Variants in IGSF21 observed in about 807,000 individuals in gnomAD.
IGSF21 encodes the protein immunoglobin superfamily member 21, also known as immunoglobulin superfamily member 21.
IGSF21 carries 28 observed loss-of-function variants against 46.8 expected under a neutral mutation model. That is an observed-to-expected ratio of 0.60 (90% CI 0.44 to 0.82). The LOEUF is 0.82. Among genes scored for constraint, IGSF21 ranks in the 40% least tolerant of loss-of-function variants. The pLI, the probability that IGSF21 is intolerant of heterozygous loss-of-function variation, is 0.00. For synonymous variants in IGSF21, 284 were observed against 273.6 expected (o/e 1.04, Z -0.38); for missense variants, 624 against 665.5 (o/e 0.94, Z 0.69).
intron 2 of IGSF21, among the ~76,000 whole-genome samples, chr1:18,234,736 A>G (rs1178993287): frequency 1.3e-5 from 2 of 152,048 alleles, no homozygotes; most frequent in Non-Finnish European, 2.9e-5. Flanking sequence ...AACCATCTCC[A>G]TGATCCAATC....
chr1:18,157,258 G>A (rs895811803), intron 1 of IGSF21, among the ~76,000 whole-genome samples: 2 of 152,226 alleles, frequency 1.3e-5, no homozygotes, highest in African/African-American at 4.8e-5. Context: ...GGGCAGTGGG[G>A]CTTCTAGCTC....
chr1:18,263,038 G>C (rs920348447), intron 2 of IGSF21, among the ~76,000 whole-genome samples: 1 of 152,188 alleles, frequency 6.6e-6, no homozygotes, highest in Admixed American at 6.5e-5. Flanking sequence ...CTGGACATCC[G>C]CAGGATGGGG....
At chr1:18,375,290 A>G (rs1267711400) in intron 6 of IGSF21, among the ~76,000 whole-genome samples, 1 of 152,214 alleles carries the variant, frequency 6.6e-6, no homozygotes, top group African/African-American at 2.4e-5. Context: ...TGGCTCCATA[A>G]TTACTGTTGA....
intron 4 of IGSF21, chr1:18,361,528 C>G (rs903879447): frequency 6.5e-6 from 1 of 152,802 alleles, no homozygotes; most frequent in African/African-American, 2.4e-5. Flanking sequence ...ATGCCCAGCC[C>G]CGCTGGGCAC....
At chr1:18,110,092 T>G (rs2086128762) in intron 1 of IGSF21, 1 of 152,188 alleles carries the variant, frequency 6.6e-6, no homozygotes, top group Admixed American at 6.5e-5. Context: ...TTTGCCCGCC[T>G]CTGCGGGCTG....
chr1:18,147,207 C>T (rs1029855651), intron 1 of IGSF21, among the ~76,000 whole-genome samples: 11 of 152,298 alleles, frequency 7.2e-5, no homozygotes, highest in African/African-American at 2.2e-4. Context: ...CAGTCGCTTC[C>T]GGGCTTGAAC....
chr1:18,351,644 A>AGGAC (rs2085956700), intron 4 of IGSF21, among the ~76,000 whole-genome samples: 1 of 152,172 alleles, frequency 6.6e-6, no homozygotes, highest in South Asian at 2.1e-4. Flanking sequence ...CTGCCTCCCC[A>AGGAC]AGCTTCCGTG....
At chr1:18,204,359 A>C (rs2087105400) in intron 1 of IGSF21, among the ~76,000 whole-genome samples, 1 of 152,242 alleles carries the variant, frequency 6.6e-6, no homozygotes, top group African/African-American at 2.4e-5. Flanking sequence ...CAGCAGCTGC[A>C]GTAGTCATTG....
intron 3 of IGSF21, among the ~76,000 whole-genome samples, chr1:18,327,062 A>G (rs558479092): frequency 6.6e-6 from 1 of 152,270 alleles, no homozygotes; most frequent in South Asian, 2.1e-4. Flanking sequence ...CACCCAGGCA[A>G]ATGTCATGCA....
rs142310502 is a variant in IGSF21, at chr1:18,174,923, G to A, written c.71-52975G>A. Among the ~76,000 whole-genome samples, 379 of 152,336 alleles carry A rather than the reference G, an allele frequency of 2.5e-3. 3 individuals carry two copies. Among genetic ancestry groups the A allele is most frequent in the African/African-American group, 8.7e-3 (362 of 41,582 alleles). On this transcript the variant is annotated intron_variant, in intron 1 of 9. Transcript: ENST00000251296. Reference sequence around the variant, plus strand: ...CCAAATGGTAGCAGTGAGCACTGGAGGTCTCTGGGGCCCTGGGCTGGCTGC... The same window carrying A: ...CCAAATGGTAGCAGTGAGCACTGGAAGTCTCTGGGGCCCTGGGCTGGCTGC...
At chr1:18,177,825 T>A (rs1483523888) in intron 1 of IGSF21, among the ~76,000 whole-genome samples, 2 of 152,012 alleles carry the variant, frequency 1.3e-5, no homozygotes, top group Non-Finnish European at 2.9e-5. Flanking sequence ...TCAAAATATA[T>A]CCTATGGCAA....
At chr1:18,129,788 G>A (rs1030870591) in intron 1 of IGSF21, among the ~76,000 whole-genome samples, 1 of 152,206 alleles carries the variant, frequency 6.6e-6, no homozygotes, top group East Asian at 1.9e-4. Flanking sequence ...AGTATTAAAA[G>A]GTGGGACTGT....
chr1:18,116,356 C>G (rs1010819920), intron 1 of IGSF21, among the ~76,000 whole-genome samples: 1 of 152,210 alleles, frequency 6.6e-6, no homozygotes, highest in Non-Finnish European at 1.5e-5. Context: ...TGGTTTCCAT[C>G]TGCAATGGGC....
At chr1:18,234,678 A>AC (rs942021829) in intron 2 of IGSF21, among the ~76,000 whole-genome samples, 1 of 152,070 alleles carries the variant, frequency 6.6e-6, no homozygotes, top group Non-Finnish European at 1.5e-5. Flanking sequence ...TGCTTATAAA[A>AC]CCATCATGTC....
At chr1:18,265,536 G>A (rs2084981901) in intron 2 of IGSF21, among the ~76,000 whole-genome samples, 1 of 152,142 alleles carries the variant, frequency 6.6e-6, no homozygotes, top group African/African-American at 2.4e-5. Flanking sequence ...CACCCACTTG[G>A]GTACACCTGC....
rs140623255 is a variant in IGSF21, at chr1:18,128,323, G to A, written c.70+20125G>A. The stretch of plus-strand genomic sequence containing the variant: ...GGAGCAGAGCAGCTTCTCTAGATTG[G>A]GTGGTCAAGGAAGGCTTCTGGGAGG... On this transcript the variant is annotated intron_variant, in intron 1 of 9. Coordinates refer to ENST00000251296, the MANE Select transcript of IGSF21 (RefSeq NM_032880.5). Among the ~76,000 whole-genome samples the A allele has an allele frequency of 2.4e-4, 36 of 152,272 alleles. No individual in the cohort carries two copies. The Middle Eastern group carries it at 0.024, about 101-fold the overall frequency.
chr1:18,234,275 C>T (rs564986568), intron 2 of IGSF21, among the ~76,000 whole-genome samples: 1 of 152,212 alleles, frequency 6.6e-6, no homozygotes, highest in Non-Finnish European at 1.5e-5. Flanking sequence ...CCTCCTTCCC[C>T]AACCCCTGGC....
chr1:18,119,891 T>A (rs1057433570), intron 1 of IGSF21, among the ~76,000 whole-genome samples: 3 of 152,034 alleles, frequency 2.0e-5, no homozygotes, highest in East Asian at 3.9e-4. Flanking sequence ...AAGTAAAAAA[T>A]GAGTCAAGTT....
chr1:18,340,960 CCTCCTTCTT>C, intron 4 of IGSF21, among the ~76,000 whole-genome samples: 1 of 147,674 alleles, frequency 6.8e-6, no homozygotes, highest in South Asian at 2.2e-4. Flanking sequence ...TCCCCCTCCC[CCTCCTTCTT>C]CTCCTTCTTC....
Sources: gnomAD v4.1 joint callset for allele counts (sites outside exome capture counted in the v4.1 genomes callset) on GRCh38, gnomAD v4.1.1 for gene constraint, MANE v1.5 for transcripts, NCBI Gene and HGNC (gene_info 2026-07-23, HGNC 2026-07-21) for gene names.